Variants in SMG1 observed in about 807,000 individuals in gnomAD.
SMG1 encodes the protein serine/threonine-protein kinase SMG1.
SMG1 carries 22 observed loss-of-function variants against 419.9 expected under a neutral mutation model. That is an observed-to-expected ratio of 0.05 (90% CI 0.04 to 0.07). The LOEUF is 0.07. Ranked by LOEUF, SMG1 falls within the 10% of genes least tolerant of loss-of-function variation. The probability of loss-of-function intolerance (pLI) is 1.00; values close to 1 mark genes in which losing one functional copy is unlikely to be tolerated. For missense variants in SMG1, 3,185 were observed against 4,342.0 expected (o/e 0.73, Z 7.49); for synonymous variants, 1,538 against 1,553.5 (o/e 0.99, Z 0.23).
intron 50 of SMG1, 49 bp from the exon 51 acceptor site, chr16:18,833,215 A>G: frequency 6.7e-7 from 1 of 1,482,244 alleles, no homozygotes; most frequent in Non-Finnish European, 9.2e-7. Flanking sequence ...AGTTTAGCTA[A>G]GTTACACATT....
chr16:18,819,191 T>C (rs2032295097), intron 56 of SMG1, among the ~76,000 whole-genome samples: 1 of 152,248 alleles, frequency 6.6e-6, no homozygotes, highest in Non-Finnish European at 1.5e-5. Context: ...TCCAAATCTT[T>C]GGATCACTTT....
chr16:18,898,014 C>G (rs570778964), intron 1 of SMG1, among the ~76,000 whole-genome samples: 1 of 152,304 alleles, frequency 6.6e-6, no homozygotes, highest in South Asian at 2.1e-4. Context: ...AGACACTAAG[C>G]TATTCCTCTA....
intron 60 of SMG1, among the ~76,000 whole-genome samples, chr16:18,812,688 T>C (rs184048958): frequency 3.8e-4 from 57 of 151,950 alleles, no homozygotes; most frequent in Non-Finnish European, 7.8e-4. Flanking sequence ...ACATTTACTA[T>C]ACTTCAGGTT....
At chr16:18,836,613 C>T in intron 46 of SMG1, 81 bp from the exon 47 acceptor site, 1 of 1,437,258 alleles carries the variant, frequency 7.0e-7, no homozygotes, top group Non-Finnish European at 9.6e-7. Flanking sequence ...AATGTGCTCA[C>T]ACATGGACTG....
intron 15 of SMG1, 110 bp downstream of exon 15, chr16:18,872,074 T>C (rs1237810162): frequency 3.4e-6 from 2 of 587,664 alleles, no homozygotes; most frequent in African/African-American, 3.9e-5. Context: ...CTACCTCACC[T>C]CTATAATCCA....
rs766126780 is a variant in SMG1, at chr16:18,847,569, C to G, written c.5880G>C (p.Val1960=). 2 of 1,614,028 alleles carry G rather than the reference C, an allele frequency of 1.2e-6. No individual in the cohort carries two copies. Among genetic ancestry groups the G allele is most frequent in the Non-Finnish European group, 1.7e-6 (2 of 1,179,902 alleles). The change falls in exon 38 of 63, where the codon GTG becomes GTC. Residue 1960 remains valine (V), a synonymous_variant. Coordinates refer to ENST00000446231, the MANE Select transcript of SMG1 (RefSeq NM_015092.5). ...CTCCCAGCCAGAGCTCATCCCAGAG[C>G]ACAGTGACCCTGCGCAGTTCAGCCA... The part of the protein sequence containing the change: ...MLVAELRRVT[V]LWDELWLGVL...
chr16:18,835,311 A>C, intron 48 of SMG1, 147 bp from the exon 49 acceptor site: 1 of 882,422 alleles, frequency 1.1e-6, no homozygotes, highest in East Asian at 2.7e-5. Context: ...AGCTTAAGCA[A>C]TTTCCTAAAA....
intron 1 of SMG1, among the ~76,000 whole-genome samples, chr16:18,922,638 T>A (rs1459656798): frequency 1.3e-5 from 2 of 152,074 alleles, no homozygotes; most frequent in African/African-American, 4.8e-5. Flanking sequence ...CTAATTTATT[T>A]ATTTATTTAT....
intron 45 of SMG1, 89 bp downstream of exon 45, chr16:18,837,925 A>G (rs1033412008): frequency 7.1e-7 from 1 of 1,412,108 alleles, no homozygotes; most frequent in African/African-American, 1.4e-5. Flanking sequence ...CAAAAAAATT[A>G]GAGAAACAAT....
At chr16:18,906,263 A>G (rs2037557546) in intron 1 of SMG1, among the ~76,000 whole-genome samples, 3 of 152,106 alleles carry the variant, frequency 2.0e-5, no homozygotes, top group Admixed American at 2.0e-4. Context: ...GCGGTGGATC[A>G]CTTGAGGTCA....
At position 18,845,370 on chromosome 16, in the gene SMG1, C is replaced by T. The variant is rs1207135946; in HGVS notation, c.6219+59G>A. ...GTAAGAAGTCCACTTATTGAAATTT[C>T]GTATCTCATGGGAACTGTGATGTGC... On this transcript the variant is annotated intron_variant, in intron 39 of 62. Coordinates refer to ENST00000446231, the MANE Select transcript of SMG1 (RefSeq NM_015092.5). 7.7e-6 allele frequency: 11 copies of T among 1,420,478 alleles called. No homozygotes were observed. The Admixed American group carries it at 1.4e-4, about 18-fold the overall frequency. 88.0% of individuals were successfully genotyped at this position (1,420,478 alleles called of 1,614,324 possible).
Position 18,853,643 on chromosome 16 carries a change from C to G in SMG1, c.4708G>C (p.Glu1570Gln). Residue 1570 changes from glutamate (E) to glutamine (Q), a missense_variant, in exon 31 of 63, where the codon GAA becomes CAA. By Grantham distance (29) the Glu-to-Gln change is conservative (BLOSUM62 2). Coordinates refer to ENST00000446231, the MANE Select transcript of SMG1 (RefSeq NM_015092.5). ...TCCATCGTATTAACAGATGGCAGTT[C>G]TATTAGAGTGAGTATGTTTTTAGAC... ...TLSKNILTLI[E>Q]LPSVNTMEEE... The G allele has an allele frequency of 1.2e-6, 2 of 1,611,152 alleles. No homozygotes were observed. Among genetic ancestry groups the G allele is most frequent in the Non-Finnish European group, 1.7e-6 (2 of 1,178,404 alleles).
At position 18,809,635 on chromosome 16, in the gene SMG1, G is replaced by A; in HGVS notation, c.10920C>T (p.Val3640=). 1 of 1,604,386 alleles carries A rather than the reference G, an allele frequency of 6.2e-7. No individual in the cohort carries two copies. The highest frequency in any genetic ancestry group is 2.2e-5 in the East Asian group (1 of 44,758). Residue 3640 remains valine (V), a synonymous_variant, in exon 63 of 63, where the codon GTC becomes GTT. Transcript: ENST00000446231. ...RMSVAEQVDY[V]IKEATNLDNL... is the part of the protein sequence containing the mutation. Reference sequence around the variant, plus strand: ...TATCTAGATTAGTTGCTTCCTTAATGACATAGTCAACCTGTAAAAATAGGC... The same window carrying A: ...TATCTAGATTAGTTGCTTCCTTAATAACATAGTCAACCTGTAAAAATAGGC...
At chr16:18,864,950 AAGAC>A (rs1365960837) in intron 23 of SMG1, among the ~76,000 whole-genome samples, 2 of 152,236 alleles carry the variant, frequency 1.3e-5, no homozygotes, top group Non-Finnish European at 2.9e-5. Context: ...AAAAAAATGT[AAGAC>A]AGTATAAAAG....
chr16:18,864,061 G>A lies in SMG1; in HGVS notation c.3434C>T (p.Ser1145Leu), dbSNP rs561393944. The part of the protein sequence containing the change: ...VDCCISSFDK[S>L]VLTLANAGRN... ...CCCAGCATTGGCTAAGGTGAGCACC[G>A]ATTTGTCAAAGCTGGAGATGCAGCA... Residue 1145 changes from serine to leucine, a missense_variant, in exon 24 of 63, where the codon TCG (serine) becomes TTG (leucine). This residue lies in a region of SMG1 where 121 missense variants were observed against 125.4 expected (regional missense o/e 0.96). Coordinates refer to ENST00000446231, the MANE Select transcript of SMG1 (RefSeq NM_015092.5). 8.2e-5 allele frequency: 127 copies of A among 1,549,874 alleles called. No homozygotes were observed. In the East Asian group the frequency reaches 2.5e-3, roughly 31 times the overall value.
At chr16:18,832,702 A>C (rs899139002) in intron 51 of SMG1, among the ~76,000 whole-genome samples, 1 of 148,794 alleles carries the variant, frequency 6.7e-6, no homozygotes, top group Non-Finnish European at 1.5e-5. Flanking sequence ...AGATACTAAC[A>C]CTGAAGGAAG....
At chr16:18,880,294 A>G (rs1321754529) in intron 10 of SMG1, among the ~76,000 whole-genome samples, 1 of 152,234 alleles carries the variant, frequency 6.6e-6, no homozygotes, top group African/African-American at 2.4e-5. Context: ...AATGGCCAAT[A>G]ATTGTGTACT....
At chr16:18,918,898 A>G (rs1454856196) in intron 1 of SMG1, among the ~76,000 whole-genome samples, 1 of 152,174 alleles carries the variant, frequency 6.6e-6, no homozygotes, top group African/African-American at 2.4e-5. Context: ...ACTGTCTCAA[A>G]AAAAAAGAAA....
chr16:18,903,637 A>C lies in SMG1; in HGVS notation c.93-6681T>G, dbSNP rs192680304. ...TTACATACGTTTATCATGTCATTTC[A>C]TGTTCAACACAATCCTATTAGTTAT... is the stretch of plus-strand genomic sequence containing the variant. On this transcript the variant is annotated intron_variant, in intron 1 of 62. Coordinates refer to ENST00000446231, the MANE Select transcript of SMG1 (RefSeq NM_015092.5). Among the ~76,000 whole-genome samples, 5 of 152,306 alleles carry C rather than the reference A, an allele frequency of 3.3e-5. No homozygotes were observed. In the East Asian group the frequency reaches 9.6e-4, roughly 29 times the overall value.
Sources: gnomAD v4.1 joint callset for allele counts (sites outside exome capture counted in the v4.1 genomes callset) on GRCh38, gnomAD v4.1.1 for gene constraint, gnomAD v4.1.1 regional missense constraint, MANE v1.5 for transcripts, NCBI Gene and HGNC (gene_info 2026-07-23, HGNC 2026-07-21) for gene names.